The following FGD5 variants were observed in gnomAD, a reference collection of about 807,000 sequenced individuals.
FGD5 encodes the protein FYVE, RhoGEF and PH domain containing 5.
Under a neutral mutation model 133.4 loss-of-function variants are expected in FGD5, and 28 were observed. That is an observed-to-expected ratio of 0.21 (90% CI 0.16 to 0.29). The LOEUF (loss-of-function observed/expected upper bound fraction) is 0.29, where lower values mean the gene tolerates loss of function less well. Among genes scored for constraint, FGD5 ranks in the 10% least tolerant of loss-of-function variants. The pLI is 1.00. For missense variants in FGD5, 1,858 were observed against 1,895.2 expected, an observed-to-expected ratio of 0.98 and a Z score of 0.36; for synonymous variants, 810 against 776.5, an observed-to-expected ratio of 1.04 and a Z score of -0.72.
chr3:14,933,470 G>C lies in FGD5; in HGVS notation c.*303G>C. 2.8e-6 allele frequency: 1 copy of C among 356,718 alleles called. No homozygotes were observed. Among genetic ancestry groups the C allele is most frequent in the South Asian group, 4.4e-5 (1 of 22,820 alleles). 22.1% of individuals were successfully genotyped at this position (356,718 alleles called of 1,614,324 possible). A position where few individuals can be genotyped will look rare whatever the true frequency, so the allele number is the denominator to read the frequency against. On this transcript the variant is annotated 3_prime_UTR_variant, in exon 20 of 20. Transcript: ENST00000285046. ...TTAAAATTTAGTAAGATGAAGATGT[G>C]GAAACCAATGAAAAGTACATTTAGA...
intron 2 of FGD5, among the ~76,000 whole-genome samples, chr3:14,868,692 T>A (rs2037546500): frequency 6.6e-6 from 1 of 152,198 alleles, no homozygotes; most frequent in African/African-American, 2.4e-5. Flanking sequence ...AATACTCATC[T>A]CCTAGTGAAC....
rs112368891 is a variant in FGD5, at chr3:14,898,568, G to A, written c.3067-171G>A. On this transcript the variant is annotated intron_variant, in intron 6 of 19. Coordinates refer to ENST00000285046, the MANE Select transcript of FGD5 (RefSeq NM_152536.4). ...GAGTGAGCAGTTACAGCAGGGCCGG[G>A]CTAATCCAGGAGGGCTTCCCGCAGG... is the stretch of plus-strand genomic sequence containing the variant. 2.1e-3 allele frequency among the ~76,000 whole-genome samples: 316 copies of A among 152,264 alleles called. 1 individual carries two copies. The highest frequency in any genetic ancestry group is 7.1e-3 in the African/African-American group (293 of 41,552).
rs778123953 is a variant in FGD5 at position 14,918,787 on chromosome 3, G to A, written c.3523G>A (p.Ala1175Thr). ...CCCTGTGATGGAGAAAGTGCCCTACGCTCTAAAGATTGAGACTTCCGAGTC... is the reference window on the plus strand; with the variant it reads ...CCCTGTGATGGAGAAAGTGCCCTACACTCTAAAGATTGAGACTTCCGAGTC... ...SRPVMEKVPY[A>T]LKIETSESCL... The change falls in exon 13 of 20, where the codon GCT becomes ACT. Residue 1175 changes from alanine to threonine, a missense_variant. Around this residue, in one of 3 missense-constraint regions of FGD5, gnomAD observed 1,824 missense variants for 1,848.9 expected, o/e 0.99. Transcript: ENST00000285046. 1.5e-5 allele frequency: 25 copies of A among 1,613,822 alleles called. No homozygotes were observed. In the East Asian group the frequency reaches 2.0e-4, roughly 13 times the overall value.
At chr3:14,867,159 G>A (rs902711113) in intron 2 of FGD5, among the ~76,000 whole-genome samples, 1 of 152,118 alleles carries the variant, frequency 6.6e-6, no homozygotes, top group Non-Finnish European at 1.5e-5. Context: ...AAGTCCCCTC[G>A]AACTCTCATT....
intron 1 of FGD5, among the ~76,000 whole-genome samples, chr3:14,851,858 C>G (rs1296096618): frequency 6.7e-6 from 1 of 150,324 alleles, no homozygotes; most frequent in East Asian, 1.9e-4. Context: ...GAGATGGAAT[C>G]AGAAAAAAAC....
chr3:14,909,290 A>C (rs2038401522), intron 10 of FGD5, among the ~76,000 whole-genome samples: 1 of 152,178 alleles, frequency 6.6e-6, no homozygotes, highest in Admixed American at 6.5e-5. Context: ...AGAAACACAA[A>C]AACACAACAG....
intron 17 of FGD5, among the ~76,000 whole-genome samples, chr3:14,924,761 C>T (rs1410563648): frequency 1.3e-5 from 2 of 152,170 alleles, no homozygotes; most frequent in African/African-American, 4.8e-5. Flanking sequence ...TAAATAGGTA[C>T]AGTTTTATCC....
intron 9 of FGD5, 43 bp downstream of exon 9, chr3:14,901,104 A>G: frequency 6.2e-7 from 1 of 1,605,862 alleles, no homozygotes; most frequent in Non-Finnish European, 8.5e-7. Flanking sequence ...CACAGGTTCC[A>G]GGCACCTCCC....
intron 1 of FGD5, among the ~76,000 whole-genome samples, chr3:14,851,164 G>GT (rs397937313): frequency 1.1e-4 from 1 of 9,198 alleles, no homozygotes; most frequent in Non-Finnish European, 2.0e-4. Flanking sequence ...AATTCAGACT[G>GT]CCTGTAGCTC....
chr3:14,816,025 C>T (rs562728933), upstream of FGD5, among the ~76,000 whole-genome samples: 22 of 152,332 alleles, frequency 1.4e-4, no homozygotes, highest in East Asian at 2.9e-3. Flanking sequence ...ACAGGACAGG[C>T]GCTGAGTGTT....
chr3:14,836,977 G>A (rs953058689), intron 1 of FGD5, among the ~76,000 whole-genome samples: 1 of 152,238 alleles, frequency 6.6e-6, no homozygotes, highest in Non-Finnish European at 1.5e-5. Flanking sequence ...GGGACCACAT[G>A]CACAGAAGCA....
At chr3:14,901,547 G>A (rs569493445) in intron 9 of FGD5, among the ~76,000 whole-genome samples, 23 of 152,316 alleles carry the variant, frequency 1.5e-4, no homozygotes, top group South Asian at 8.3e-4. Flanking sequence ...AGTTGATCCC[G>A]CATCCCAGCT....
intron 1 of FGD5, among the ~76,000 whole-genome samples, chr3:14,850,081 A>G (rs1277731527): frequency 6.6e-6 from 1 of 152,228 alleles, no homozygotes; most frequent in Non-Finnish European, 1.5e-5. Context: ...CATCCTCCCC[A>G]GCTGCCTGGG....
At chr3:14,918,668 CCT>C in intron 12 of FGD5, 84 bp from the exon 13 acceptor site, 3 of 1,345,442 alleles carry the variant, frequency 2.2e-6, no homozygotes, top group Non-Finnish European at 3.2e-6. Context: ...GGACATGGTC[CCT>C]CTGTTCATCT....
chr3:14,919,007 T>G (rs189862522), intron 13 of FGD5, among the ~76,000 whole-genome samples, 174 bp downstream of exon 13: 3 of 152,274 alleles, frequency 2.0e-5, no homozygotes, highest in Admixed American at 1.3e-4. Context: ...TTGGGGAATT[T>G]GATAAAAACT....
intron 1 of FGD5, among the ~76,000 whole-genome samples, chr3:14,835,797 G>C (rs115731058): frequency 1.3e-5 from 2 of 152,192 alleles, no homozygotes; most frequent in Non-Finnish European, 2.9e-5. Context: ...GGAGATAACA[G>C]GTGGTGGCAA....
At chr3:14,901,112 C>A in intron 9 of FGD5, 51 bp downstream of exon 9, 1 of 1,591,030 alleles carries the variant, frequency 6.3e-7, no homozygotes, top group Non-Finnish European at 8.6e-7. Flanking sequence ...CCAGGCACCT[C>A]CCCACCAGCT....
Position 14,924,072 on chromosome 3 carries a change from C to T in FGD5, c.4002C>T (p.Ser1334=), listed in dbSNP as rs763091858. Residue 1334 remains serine (S), a synonymous_variant, in exon 17 of 20, where the codon TCC becomes TCT. Coordinates refer to ENST00000285046, the MANE Select transcript of FGD5 (RefSeq NM_152536.4). ...GCTTCTCGGGCAGTGCCTTTTCATC[C>T]GTCTTCCAGAGCATTAACCCCTCGA... The part of the protein sequence containing the change: ...SPRFSGSAFS[S]VFQSINPSTF... The T allele has an allele frequency of 7.4e-6, 12 of 1,614,030 alleles. No homozygotes were observed. The East Asian group carries it at 1.3e-4, about 18-fold the overall frequency.
intron 2 of FGD5, among the ~76,000 whole-genome samples, chr3:14,873,345 G>GTT (rs2037647670): frequency 6.6e-6 from 1 of 152,234 alleles, no homozygotes; most frequent in Admixed American, 6.5e-5. Context: ...GGTCTATGTT[G>GTT]TAAGAGTCAG....
Sources: allele counts gnomAD v4.1 joint callset (sites outside exome capture counted in the v4.1 genomes callset), GRCh38; gene constraint gnomAD v4.1.1; regional missense constraint gnomAD v4.1.1; transcripts MANE v1.5; gene names NCBI Gene and HGNC (gene_info 2026-07-23, HGNC 2026-07-21).